Variants in UBE2E1 observed in about 807,000 individuals in gnomAD.
UBE2E1 encodes ubiquitin conjugating enzyme E2 E1.
In UBE2E1, 6 loss-of-function variants were observed where a neutral mutation model predicts 21.4. The observed-to-expected ratio is 0.28, with a 90% CI of 0.15 to 0.55. The LOEUF (loss-of-function observed/expected upper bound fraction) is 0.55, where lower values mean the gene tolerates loss of function less well. UBE2E1 is among the 20% of genes least tolerant of loss of function. The pLI, the probability that UBE2E1 is intolerant of heterozygous loss-of-function variation, is 0.93. For synonymous variants in UBE2E1, 87 were observed against 82.7 expected (o/e 1.05, Z -0.28); for missense variants, 142 against 236.5 (o/e 0.60, Z 2.62).
chr3:23,812,716 G>A (rs1424445959), intron 3 of UBE2E1, among the ~76,000 whole-genome samples: 1 of 152,144 alleles, frequency 6.6e-6, no homozygotes, highest in Non-Finnish European at 1.5e-5. Flanking sequence ...AGATGGTTGA[G>A]AAGTGGAAAA....
chr3:23,807,281 C>G lies in UBE2E1; in HGVS notation c.12C>G (p.Asp4Glu). MSD[D>E]DSRASTSSSS... ...GTGGGGGGTTCGCTATGTCGGATGA[C>G]GATTCGAGGGCCAGCACCAGCTCCT... The change falls in exon 2 of 6, where the codon GAC (aspartate) becomes GAG (glutamate). Residue 4 changes from aspartate to glutamate, a missense_variant. Asp to Glu is a conservative substitution (Grantham distance 45). Transcript: ENST00000306627. 6.2e-7 allele frequency: 1 copy of G among 1,612,554 alleles called. No individual in the cohort carries two copies. Among genetic ancestry groups the G allele is most frequent in the Non-Finnish European group, 8.5e-7 (1 of 1,179,508 alleles).
rs569416660 is a variant in UBE2E1 at position 23,876,784 on chromosome 3, A to G, written c.204-10783A>G. ...TAGAAAATCAGAACTGTGGCTCACTACTGTAATGTCAGTGCTTTCAGAGGC... is the reference window on the plus strand; with the variant it reads ...TAGAAAATCAGAACTGTGGCTCACTGCTGTAATGTCAGTGCTTTCAGAGGC... On this transcript the variant is annotated intron_variant, in intron 3 of 5. Transcript: ENST00000306627. This position sits in a 1 kb window ranked among gnomAD's most constrained non-coding sequence, Gnocchi z 4.3. Among the ~76,000 whole-genome samples, 2 of 152,262 alleles carry G rather than the reference A, an allele frequency of 1.3e-5. No individual in the cohort carries two copies. Among genetic ancestry groups the G allele is most frequent in the South Asian group, 2.1e-4 (1 of 4,816 alleles).
Position 23,891,390 on chromosome 3 carries a change from G to A in UBE2E1, c.*784G>A, listed in dbSNP as rs977808478. ...ATTCTTCTGAAATCGATAGGTATCT[G>A]CTTCTAAAACAAGCTAAAAATAATG... is the stretch of plus-strand genomic sequence containing the variant. On this transcript the variant is annotated 3_prime_UTR_variant, in exon 6 of 6. Transcript: ENST00000306627. 2.0e-5 allele frequency: 3 copies of A among 152,148 alleles called. No individual in the cohort carries two copies. The highest frequency in any genetic ancestry group is 7.2e-5 in the African/African-American group (3 of 41,436). 9.4% of individuals were successfully genotyped at this position (152,148 alleles called of 1,614,324 possible).
chr3:23,829,179 AAG>A (rs1553636581), intron 3 of UBE2E1, among the ~76,000 whole-genome samples: 1 of 151,292 alleles, frequency 6.6e-6, no homozygotes, highest in Non-Finnish European at 1.5e-5. Flanking sequence ...AAAAAAAAAA[AAG>A]AGAGGGCCTC....
intron 3 of UBE2E1, among the ~76,000 whole-genome samples, chr3:23,850,668 G>A (rs964685657): frequency 3.3e-5 from 5 of 149,550 alleles, no homozygotes; most frequent in African/African-American, 4.9e-5. Flanking sequence ...CACTGCATCC[G>A]GCACACCTGA....
intron 3 of UBE2E1, among the ~76,000 whole-genome samples, chr3:23,855,992 G>T (rs945457369): frequency 5.3e-5 from 8 of 152,122 alleles, no homozygotes; most frequent in Non-Finnish European, 7.4e-5. Context: ...ACTGGAATTT[G>T]CATGCTGTTC....
At chr3:23,821,965 A>T (rs1186201162) in intron 3 of UBE2E1, among the ~76,000 whole-genome samples, 6 of 152,180 alleles carry the variant, frequency 3.9e-5, no homozygotes, top group African/African-American at 1.2e-4. Context: ...TGTCTTGGGA[A>T]TGCCTTTCTC....
intron 3 of UBE2E1, among the ~76,000 whole-genome samples, chr3:23,851,226 C>G (rs1373342483): frequency 6.6e-6 from 1 of 152,096 alleles, no homozygotes; most frequent in African/African-American, 2.4e-5. Context: ...TATTTCTGGG[C>G]TCTTAATTAG....
At chr3:23,841,164 T>C (rs1456709218) in intron 3 of UBE2E1, among the ~76,000 whole-genome samples, 1 of 152,210 alleles carries the variant, frequency 6.6e-6, no homozygotes, top group Non-Finnish European at 1.5e-5. Context: ...ATTGAAAAGA[T>C]ATAAAGAGTT....
At chr3:23,811,792 G>A (rs1699398510) in intron 3 of UBE2E1, among the ~76,000 whole-genome samples, 1 of 152,156 alleles carries the variant, frequency 6.6e-6, no homozygotes, top group African/African-American at 2.4e-5. Flanking sequence ...GCCTAATCAT[G>A]GGTCTTTGAT....
chr3:23,823,164 A>G lies in UBE2E1; in HGVS notation c.203+11654A>G, dbSNP rs1414197340. Among the ~76,000 whole-genome samples, 1 of 151,990 alleles carries G rather than the reference A, an allele frequency of 6.6e-6. No homozygotes were observed. Among genetic ancestry groups the G allele is most frequent in the East Asian group, 1.9e-4 (1 of 5,188 alleles). On this transcript the variant is annotated intron_variant, in intron 3 of 5. Transcript: ENST00000306627. The surrounding 1 kb of genome is among the most constrained non-coding windows in gnomAD (Gnocchi z 4.2). ...CCATCCTGTTTTTCATCCTTTTAATATGGGCTGTTATGTTAATGCTTTACA... is the reference window on the plus strand; with the variant it reads ...CCATCCTGTTTTTCATCCTTTTAATGTGGGCTGTTATGTTAATGCTTTACA...
chr3:23,873,702 C>T (rs1484230453), intron 3 of UBE2E1, among the ~76,000 whole-genome samples: 2 of 152,122 alleles, frequency 1.3e-5, no homozygotes, highest in Non-Finnish European at 2.9e-5. Flanking sequence ...GCCAAGATGG[C>T]ACCACTGCAC....
chr3:23,863,080 A>G lies in UBE2E1; in HGVS notation c.204-24487A>G, dbSNP rs1419853764. The stretch of plus-strand genomic sequence containing the variant: ...AAAAAAAAAAAAAAAAACTATTCCC[A>G]GCATTTTGCTCTCTAGTGGCAACTA... On this transcript the variant is annotated intron_variant, in intron 3 of 5. Coordinates refer to ENST00000306627, the MANE Select transcript of UBE2E1 (RefSeq NM_003341.5). The surrounding 1 kb of genome is among the most constrained non-coding windows in gnomAD (Gnocchi z 4.3). Among the ~76,000 whole-genome samples the G allele has an allele frequency of 2.0e-5, 3 of 150,894 alleles. No homozygotes were observed. The highest frequency in any genetic ancestry group is 6.6e-5 in the Admixed American group (1 of 15,146).
At chr3:23,855,226 C>A (rs1379731518) in intron 3 of UBE2E1, among the ~76,000 whole-genome samples, 3 of 152,160 alleles carry the variant, frequency 2.0e-5, no homozygotes, top group South Asian at 2.1e-4. Context: ...CACAAATACA[C>A]AACCTTCTCT....
chr3:23,807,497 T>C, intron 2 of UBE2E1, 76 bp downstream of exon 2: 3 of 1,557,568 alleles, frequency 1.9e-6, no homozygotes, highest in Non-Finnish European at 2.6e-6. Context: ...TGCCTCCCAA[T>C]GAGGATAGCT....
intron 3 of UBE2E1, among the ~76,000 whole-genome samples, chr3:23,821,713 T>G (rs1278574302): frequency 1.3e-5 from 2 of 151,996 alleles, no homozygotes; most frequent in African/African-American, 4.8e-5. Context: ...TAGATGATAG[T>G]GATGTTTTAC....
At chr3:23,865,340 C>G (rs1312798080) in intron 3 of UBE2E1, among the ~76,000 whole-genome samples, 2 of 152,188 alleles carry the variant, frequency 1.3e-5, no homozygotes, top group Admixed American at 1.3e-4. Flanking sequence ...GGAGACTCTT[C>G]AGTCAGTTAA....
chr3:23,868,352 T>G (rs1052674043), intron 3 of UBE2E1, among the ~76,000 whole-genome samples: 2 of 152,124 alleles, frequency 1.3e-5, no homozygotes, highest in Admixed American at 6.5e-5. Context: ...CTCTGTTGCT[T>G]AGGCTGGAGT....
chr3:23,850,172 A>G (rs1298266208), intron 3 of UBE2E1, among the ~76,000 whole-genome samples: 10 of 152,170 alleles, frequency 6.6e-5, no homozygotes, highest in Non-Finnish European at 1.3e-4. Context: ...TCTATCTAAT[A>G]TATCAATCTA....
Sources: gnomAD v4.1 joint callset for allele counts (sites outside exome capture counted in the v4.1 genomes callset) on GRCh38, gnomAD v4.1.1 for gene constraint, Gnocchi (gnomAD v3.1) non-coding constraint, MANE v1.5 for transcripts, NCBI Gene and HGNC (gene_info 2026-07-23, HGNC 2026-07-21) for gene names.